The following NRXN3 variants were observed in gnomAD, a reference collection of about 807,000 sequenced individuals.
NRXN3 encodes neurexin 3, also known as neurexin III.
Under a neutral mutation model 137.6 loss-of-function variants are expected in NRXN3, and 32 were observed. The observed-to-expected ratio is 0.23, with a 90% CI of 0.18 to 0.31. The LOEUF is 0.31. Ranked by LOEUF, NRXN3 falls within the 10% of genes least tolerant of loss-of-function variation. The pLI is 1.00. For synonymous variants in NRXN3, 798 were observed against 784.5 expected (o/e 1.02, Z -0.29); for missense variants, 1,574 against 2,062.5 (o/e 0.76, Z 4.59).
chr14:79,831,534 A>T (rs931279730), intron 20 of NRXN3, among the ~76,000 whole-genome samples: 2 of 152,146 alleles, frequency 1.3e-5, no homozygotes, highest in African/African-American at 4.8e-5. Context: ...GAGCCTTGGC[A>T]TTGTGTATGG....
chr14:79,665,250 A>C (rs1461418225), intron 17 of NRXN3, among the ~76,000 whole-genome samples: 1 of 152,162 alleles, frequency 6.6e-6, no homozygotes, highest in African/African-American at 2.4e-5. Context: ...CCCCCAAGGT[A>C]TTGAGGCAAA....
At chr14:78,808,045 A>G (rs543560683) in intron 9 of NRXN3, among the ~76,000 whole-genome samples, 1 of 152,200 alleles carries the variant, frequency 6.6e-6, no homozygotes, top group East Asian at 1.9e-4. Context: ...ACGCACACAC[A>G]CACATATTTA....
intron 1 of NRXN3, among the ~76,000 whole-genome samples, chr14:78,228,983 AT>A (rs2065035317): frequency 6.6e-6 from 1 of 152,218 alleles, no homozygotes; most frequent in South Asian, 2.1e-4. Flanking sequence ...AAAAGGAAAA[AT>A]GAGTAAAAAG....
intron 1 of NRXN3, among the ~76,000 whole-genome samples, chr14:78,228,210 T>A (rs1385525566): frequency 6.8e-6 from 1 of 146,260 alleles, no homozygotes; most frequent in East Asian, 2.0e-4. Flanking sequence ...CAGGCTGGAG[T>A]GTAATGCGTG....
At chr14:78,366,877 G>A (rs2086041319) in intron 4 of NRXN3, among the ~76,000 whole-genome samples, 1 of 152,208 alleles carries the variant, frequency 6.6e-6, no homozygotes. Context: ...TATCATTGGT[G>A]TATTTCCTTA....
At chr14:78,649,145 G>T (rs2097714626) in intron 5 of NRXN3, 1 of 548,422 alleles carries the variant, frequency 1.8e-6, no homozygotes. Context: ...CATGCAATGT[G>T]TCATTTTACT....
chr14:79,181,511 C>T (rs993697615), intron 15 of NRXN3, among the ~76,000 whole-genome samples: 13 of 151,820 alleles, frequency 8.6e-5, no homozygotes, highest in Non-Finnish European at 1.3e-4. Flanking sequence ...GATGAAAACC[C>T]GTCTCTACTA....
intron 10 of NRXN3, among the ~76,000 whole-genome samples, chr14:78,946,776 TA>T (rs1336249829): frequency 6.6e-6 from 1 of 152,134 alleles, no homozygotes; most frequent in East Asian, 1.9e-4. Flanking sequence ...TTTGCCAACA[TA>T]GTCGGTTTTG....
At chr14:79,373,259 G>A (rs1390300717) in intron 15 of NRXN3, among the ~76,000 whole-genome samples, 1 of 151,930 alleles carries the variant, frequency 6.6e-6, no homozygotes, top group South Asian at 2.1e-4. Flanking sequence ...GTATATTATT[G>A]CCCTCATTAC....
intron 6 of NRXN3, among the ~76,000 whole-genome samples, chr14:78,668,077 C>A (rs1025459880): frequency 6.6e-6 from 1 of 152,166 alleles, no homozygotes; most frequent in Non-Finnish European, 1.5e-5. Context: ...TGAGCCACCG[C>A]GCCTGACCAA....
At chr14:78,806,071 G>T (rs868008294) in intron 9 of NRXN3, among the ~76,000 whole-genome samples, 3 of 138,494 alleles carry the variant, frequency 2.2e-5, no homozygotes, top group Admixed American at 7.4e-5. Context: ...TTCCCCTTTG[G>T]CTTCTTTTGT....
At position 78,869,367 on chromosome 14, in the gene NRXN3, C is replaced by T. The variant is rs139787768; in HGVS notation, c.2275+59023C>T. On this transcript the variant is annotated intron_variant, in intron 10 of 20. Coordinates refer to ENST00000335750, the MANE Select transcript of NRXN3 (RefSeq NM_001330195.2). ...TTTCTATTTCCAGGCATATCACTCT[C>T]AAAACCATCATCCAGATTATTTAAA... Among the ~76,000 whole-genome samples the T allele has an allele frequency of 4.4e-3, 664 of 152,258 alleles. 1 individual carries two copies. Among genetic ancestry groups the T allele is most frequent in the Middle Eastern group, 0.02 (6 of 294 alleles).
chr14:79,307,766 T>TTC (rs887791936), intron 15 of NRXN3, among the ~76,000 whole-genome samples: 3 of 151,678 alleles, frequency 2.0e-5, no homozygotes, highest in East Asian at 3.9e-4. Context: ...TCACCTCTCT[T>TTC]TCTCTCTCTC....
At chr14:78,672,308 G>C (rs776470389) in intron 6 of NRXN3, among the ~76,000 whole-genome samples, 21 of 152,150 alleles carry the variant, frequency 1.4e-4, no homozygotes, top group Non-Finnish European at 2.9e-4. Context: ...GAAGAACCAA[G>C]GGACAAGCAA....
At chr14:79,467,459 A>C in intron 16 of NRXN3, 57 bp downstream of exon 16, 1 of 1,462,004 alleles carries the variant, frequency 6.8e-7, no homozygotes, top group Non-Finnish European at 9.4e-7. Flanking sequence ...TGAGTTAGTG[A>C]TTCAGGTAGA....
intron 4 of NRXN3, among the ~76,000 whole-genome samples, chr14:78,612,833 G>A (rs10147304): frequency 0.099 from 14,988 of 151,944 alleles, 1,057 homozygotes; most frequent in African/African-American, 0.2. Context: ...ACTCAAGTAG[G>A]CCTCTAACAA....
chr14:78,833,974 G>A (rs904477581), intron 10 of NRXN3, among the ~76,000 whole-genome samples: 1 of 152,144 alleles, frequency 6.6e-6, no homozygotes, highest in Non-Finnish European at 1.5e-5. Context: ...CAAATAAGTA[G>A]CATAATTTTC....
intron 19 of NRXN3, among the ~76,000 whole-genome samples, chr14:79,777,476 T>TAAA (rs35166061): frequency 2.8e-5 from 4 of 144,292 alleles, no homozygotes; most frequent in African/African-American, 5.2e-5. Flanking sequence ...GGAATTTTTC[T>TAAA]AAAAAAAAAA....
intron 16 of NRXN3, among the ~76,000 whole-genome samples, chr14:79,495,781 A>G (rs1351767416): frequency 1.3e-5 from 2 of 152,040 alleles, no homozygotes; most frequent in African/African-American, 4.8e-5. Flanking sequence ...AGTATTTTTG[A>G]TAAATAATTT....
Sources: allele counts gnomAD v4.1 joint callset (sites outside exome capture counted in the v4.1 genomes callset), GRCh38; gene constraint gnomAD v4.1.1; transcripts MANE v1.5; gene names NCBI Gene and HGNC (gene_info 2026-07-23, HGNC 2026-07-21).